Variants in COQ8A observed in about 807,000 individuals in gnomAD.
COQ8A encodes coenzyme Q8A, also known as atypical kinase COQ8A, mitochondrial.
A neutral mutation model predicts 65.0 loss-of-function variants in COQ8A; 51 were observed. The ratio of observed to expected loss-of-function variants is 0.78; its 90% CI spans 0.63 to 0.99. The LOEUF (loss-of-function observed/expected upper bound fraction) is 0.99, where lower values mean the gene tolerates loss of function less well. Ranked by LOEUF, COQ8A falls within the 50% of genes least tolerant of loss-of-function variation. COQ8A has a pLI of 0.00. For missense variants in COQ8A, 940 were observed against 875.0 expected (o/e 1.07, Z -0.94); for synonymous variants, 371 against 353.2 (o/e 1.05, Z -0.57).
chr1:226,962,921 T>G (rs886106477), intron 2 of COQ8A, among the ~76,000 whole-genome samples: 3 of 152,184 alleles, frequency 2.0e-5, no homozygotes, highest in Non-Finnish European at 4.4e-5. Context: ...AGAATTCTTG[T>G]CCCCTCCCAG....
chr1:226,978,965 C>G (rs1659528700), intron 5 of COQ8A, among the ~76,000 whole-genome samples: 1 of 151,854 alleles, frequency 6.6e-6, no homozygotes, highest in Non-Finnish European at 1.5e-5. Context: ...CCTCCACACA[C>G]CCGCACACCT....
intron 1 of COQ8A, among the ~76,000 whole-genome samples, chr1:226,954,085 G>A (rs1160032354): frequency 6.6e-6 from 1 of 152,262 alleles, no homozygotes; most frequent in Non-Finnish European, 1.5e-5. Context: ...GAAGGCCACT[G>A]CCAGCCCCTC....
intron 8 of COQ8A, 159 bp downstream of exon 8, chr1:226,983,193 C>T: frequency 8.6e-7 from 1 of 1,162,556 alleles, no homozygotes; most frequent in South Asian, 1.6e-5. Flanking sequence ...CTGGACGGCA[C>T]CAGAAGCTTG....
intron 1 of COQ8A, among the ~76,000 whole-genome samples, chr1:226,944,692 T>TGAGAGAGAGAGAGAGAGAGAGA (rs1174520293): frequency 1.2e-5 from 1 of 86,624 alleles, no homozygotes; most frequent in Non-Finnish European, 2.3e-5. Flanking sequence ...AGTTGTACCC[T>TGAGAGAGAGAGAGAGAGAGAGA]GAGAGAGAGA....
Position 226,972,847 on chromosome 1 carries a change from C to A in COQ8A, c.656-4602C>A, listed in dbSNP as rs1264282999. ...CACTTTATTTATCTTTTCAAAAGGACATTTTAACAGTGCAAAAGTATAAAG... is the reference window on the plus strand; with the variant it reads ...CACTTTATTTATCTTTTCAAAAGGAAATTTTAACAGTGCAAAAGTATAAAG... On this transcript the variant is annotated intron_variant, in intron 4 of 14. Transcript: ENST00000366777. The surrounding 1 kb of genome is among the most constrained non-coding windows in gnomAD (Gnocchi z 4.3). Among the ~76,000 whole-genome samples the A allele has an allele frequency of 6.6e-6, 1 of 152,198 alleles. No homozygotes were observed. The highest frequency in any genetic ancestry group is 1.5e-5 in the Non-Finnish European group (1 of 68,042).
chr1:226,940,780 T>A (rs1472354590), intron 1 of COQ8A, among the ~76,000 whole-genome samples: 2 of 152,210 alleles, frequency 1.3e-5, no homozygotes, highest in Middle Eastern at 3.2e-3. Flanking sequence ...CGCTTTCTAA[T>A]AATGTTGTTC....
intron 1 of COQ8A, among the ~76,000 whole-genome samples, chr1:226,951,688 G>A (rs1217057023): frequency 6.6e-6 from 1 of 151,970 alleles, no homozygotes. Context: ...TCTTGCCCTA[G>A]AATATGAGTC....
intron 11 of COQ8A, 44 bp downstream of exon 11, chr1:226,984,279 T>C: frequency 1.9e-6 from 3 of 1,610,380 alleles, no homozygotes; most frequent in African/African-American, 1.3e-5. Flanking sequence ...GTGGCCCTGC[T>C]GTGTGGCTGT....
At chr1:226,979,941 C>T (rs1357948461) in intron 5 of COQ8A, among the ~76,000 whole-genome samples, 2 of 152,254 alleles carry the variant, frequency 1.3e-5, no homozygotes, top group African/African-American at 2.4e-5. Flanking sequence ...CAGACTACCT[C>T]ATCCAAGCAG....
intron 5 of COQ8A, 37 bp downstream of exon 5, chr1:226,977,560 C>A (rs1572066298): frequency 6.5e-7 from 1 of 1,542,704 alleles, no homozygotes; most frequent in South Asian, 1.2e-5. Flanking sequence ...GCAGGGTGGG[C>A]CCCGGGAGGG....
chr1:226,943,165 A>G (rs1314545989), intron 1 of COQ8A, among the ~76,000 whole-genome samples: 1 of 152,240 alleles, frequency 6.6e-6, no homozygotes, highest in African/African-American at 2.4e-5. Flanking sequence ...GAGAATTTTA[A>G]AGAAGGCTAT....
At chr1:226,968,109 A>G (rs1658670495) in intron 4 of COQ8A, among the ~76,000 whole-genome samples, 1 of 152,206 alleles carries the variant, frequency 6.6e-6, no homozygotes. Flanking sequence ...AGGTGGGAGA[A>G]TCACCTGAGG....
rs898240542 is a variant in COQ8A, at chr1:226,949,566, T to C, written c.-10+9167T>C. Among the ~76,000 whole-genome samples, 8 of 152,154 alleles carry C rather than the reference T, an allele frequency of 5.3e-5. No individual in the cohort carries two copies. The South Asian group carries it at 1.7e-3, about 31-fold the overall frequency. ...AGCACTTTGGACTGCCTCTCCTGAA[T>C]GATGCCTCATACCACAGCACTAAAT... On this transcript the variant is annotated intron_variant, in intron 1 of 14. Transcript: ENST00000366777. The surrounding 1 kb of genome is among the most constrained non-coding windows in gnomAD (Gnocchi z 4.0).
chr1:226,951,166 C>A (rs1315325142), intron 1 of COQ8A, among the ~76,000 whole-genome samples: 6 of 152,292 alleles, frequency 3.9e-5, no homozygotes, highest in African/African-American at 1.4e-4. Flanking sequence ...TCTCCCCTGA[C>A]CACCCCCTGA....
At position 226,984,169 on chromosome 1, in the gene COQ8A, C is replaced by T. The variant is rs138727410; in HGVS notation, c.1332C>T (p.Thr444=). 62 of 1,613,858 alleles carry T rather than the reference C, an allele frequency of 3.8e-5. No homozygotes were observed. In the African/African-American group the frequency reaches 7.6e-4, roughly 20 times the overall value. ...AGCTCTGCAGCCCACATGTGCTGACCACAGAGCTGGTGTCTGGCTTCCCCC... is the reference window on the plus strand; with the variant it reads ...AGCTCTGCAGCCCACATGTGCTGACTACAGAGCTGGTGTCTGGCTTCCCCC... ...VDELCSPHVL[T]TELVSGFPLD... is the part of the protein sequence containing the mutation. The change falls in exon 11 of 15, where the codon ACC becomes ACT. Residue 444 remains threonine (T), a synonymous_variant. Transcript: ENST00000366777.
chr1:226,961,621 T>G (rs1435156353), intron 2 of COQ8A, 59 bp downstream of exon 2: 11 of 1,546,494 alleles, frequency 7.1e-6, no homozygotes, highest in Non-Finnish European at 7.0e-6. Flanking sequence ...CCTGGAGCTC[T>G]GGGGGAGACC....
At chr1:226,984,378 A>AG in intron 11 of COQ8A, 143 bp downstream of exon 11, 2 of 1,344,248 alleles carry the variant, frequency 1.5e-6, no homozygotes, top group Non-Finnish European at 1.0e-6. Context: ...AGTGGGACTT[A>AG]GGGGGACACA....
At position 226,946,454 on chromosome 1, in the gene COQ8A, G is replaced by T. The variant is rs772324887; in HGVS notation, c.-10+6055G>T. On this transcript the variant is annotated intron_variant, in intron 1 of 14. Coordinates refer to ENST00000366777, the MANE Select transcript of COQ8A (RefSeq NM_020247.5). The surrounding 1 kb of genome is among the most constrained non-coding windows in gnomAD (Gnocchi z 5.3). ...GCGTTGGGGCACGGAGGCATCTAGC[G>T]AGAGGTATCGCTGCAGAGGTGTCTG... 6.6e-6 allele frequency among the ~76,000 whole-genome samples: 1 copy of T among 152,146 alleles called. No individual in the cohort carries two copies. Among genetic ancestry groups the T allele is most frequent in the Non-Finnish European group, 1.5e-5 (1 of 68,024 alleles).
intron 1 of COQ8A, among the ~76,000 whole-genome samples, chr1:226,956,084 T>A (rs1657725007): frequency 7.1e-6 from 1 of 140,392 alleles, no homozygotes; most frequent in African/African-American, 2.9e-5. Flanking sequence ...GTTCCCACTC[T>A]CCCTGGTTCA....
Sources: allele counts gnomAD v4.1 joint callset (sites outside exome capture counted in the v4.1 genomes callset), GRCh38; gene constraint gnomAD v4.1.1; non-coding constraint Gnocchi (gnomAD v3.1); transcripts MANE v1.5; gene names NCBI Gene and HGNC (gene_info 2026-07-23, HGNC 2026-07-21).